FSD2: variants seen among roughly 807,000 people sequenced by gnomAD.
The protein encoded by FSD2 is fibronectin type III and SPRY domain-containing protein 2.
FSD2 carries 71 observed loss-of-function variants against 80.4 expected under a neutral mutation model. The observed-to-expected ratio is 0.88, with a 90% CI of 0.73 to 1.08. FSD2 has a LOEUF of 1.08. Ranked by LOEUF, FSD2 falls within the 50% of genes least tolerant of loss-of-function variation. The pLI is 0.00. For synonymous variants in FSD2, 361 were observed against 329.5 expected (o/e 1.10, Z -1.03); for missense variants, 923 against 913.8 (o/e 1.01, Z -0.13).
At position 82,757,509 on chromosome 15, in the gene FSD2, T is replaced by G. The variant is rs755220586; in HGVS notation, c.*1839A>C. The G allele has an allele frequency of 6.6e-6, 1 of 152,202 alleles. No homozygotes were observed. The highest frequency in any genetic ancestry group is 1.5e-5 in the Non-Finnish European group (1 of 68,040). The allele number at this position is 152,202 out of a possible 1,614,324, so 9.4% of individuals were successfully genotyped here. On this transcript the variant is annotated 3_prime_UTR_variant, in exon 13 of 13. Transcript: ENST00000334574. Reference sequence around the variant, plus strand: ...ACCAGTCCCGGCTAATTTTTTTGTATTTTTAGTAGAGACGGGGTTTCACCG... The same window carrying G: ...ACCAGTCCCGGCTAATTTTTTTGTAGTTTTAGTAGAGACGGGGTTTCACCG...
intron 5 of FSD2, among the ~76,000 whole-genome samples, chr15:82,779,395 T>C (rs1398060942): frequency 6.6e-6 from 1 of 152,166 alleles, no homozygotes; most frequent in Non-Finnish European, 1.5e-5. Flanking sequence ...CCAGGCATGA[T>C]GGCTCACACC....
chr15:82,786,506 C>T lies in FSD2; in HGVS notation c.735+5G>A. The T allele has an allele frequency of 1.2e-6, 2 of 1,608,462 alleles. No homozygotes were observed. Among genetic ancestry groups the T allele is most frequent in the Non-Finnish European group, 1.7e-6 (2 of 1,175,438 alleles). ...GTCTGATGAGGTCTTCAAGTGTGCT[C>T]TTACCTCCACAGTGATGAAAACCTC... is the stretch of plus-strand genomic sequence containing the variant. On this transcript the variant is annotated splice_donor_5th_base_variant and intron_variant, in intron 3 of 12. Coordinates refer to ENST00000334574, the MANE Select transcript of FSD2 (RefSeq NM_001007122.4).
chr15:82,801,927 T>C (rs1201742182), intron 1 of FSD2, among the ~76,000 whole-genome samples: 1 of 151,834 alleles, frequency 6.6e-6, no homozygotes, highest in Non-Finnish European at 1.5e-5. Context: ...GAAGGATGAG[T>C]GGAGGTAGGT....
At chr15:82,791,242 C>T (rs926189245) in intron 1 of FSD2, among the ~76,000 whole-genome samples, 4 of 152,154 alleles carry the variant, frequency 2.6e-5, no homozygotes, top group African/African-American at 9.7e-5. Flanking sequence ...TTGTGGTCCG[C>T]CCGTCTCGGC....
At chr15:82,782,426 A>AACAAC (rs2049889032) in intron 4 of FSD2, among the ~76,000 whole-genome samples, 1 of 151,304 alleles carries the variant, frequency 6.6e-6, no homozygotes, top group Non-Finnish European at 1.5e-5. Flanking sequence ...AACAAAACAA[A>AACAAC]ACAACAACAA....
In FSD2 at chr15:82,771,306, T is replaced by G. The variant is rs920328707; in HGVS notation, c.1267+767A>C. On this transcript the variant is annotated intron_variant, in intron 7 of 12. Transcript: ENST00000334574. Reference sequence around the variant, plus strand: ...TTTCCTCATCCATAAAATGGAGATCTCTAAGTCTCTTTCCAGCAATCCCAC... The same window carrying G: ...TTTCCTCATCCATAAAATGGAGATCGCTAAGTCTCTTTCCAGCAATCCCAC... Among the ~76,000 whole-genome samples the G allele has an allele frequency of 3.3e-5, 5 of 152,230 alleles. No homozygotes were observed. In the South Asian group the frequency reaches 6.2e-4, roughly 19 times the overall value.
intron 1 of FSD2, among the ~76,000 whole-genome samples, chr15:82,795,231 C>A (rs1262504546): frequency 6.6e-6 from 1 of 152,040 alleles, no homozygotes; most frequent in East Asian, 1.9e-4. Flanking sequence ...ATAGAGTTGG[C>A]TATATTGTTA....
chr15:82,775,927 A>G (rs2049704735), intron 6 of FSD2, among the ~76,000 whole-genome samples: 1 of 152,064 alleles, frequency 6.6e-6, no homozygotes, highest in Admixed American at 6.6e-5. Context: ...TAATTTCCAC[A>G]TATCTGTGAA....
chr15:82,770,650 G>GAC (rs891890412), intron 7 of FSD2, among the ~76,000 whole-genome samples: 1 of 151,570 alleles, frequency 6.6e-6, no homozygotes, highest in Non-Finnish European at 1.5e-5. Flanking sequence ...CAGCCTGAGT[G>GAC]ACAGAGCAAG....
At chr15:82,772,912 A>G (rs1355917530) in intron 6 of FSD2, among the ~76,000 whole-genome samples, 1 of 152,058 alleles carries the variant, frequency 6.6e-6, no homozygotes, top group Non-Finnish European at 1.5e-5. Flanking sequence ...CAGTGACGTA[A>G]TCTCGGCTCA....
In FSD2 at chr15:82,769,003, T is replaced by C; in HGVS notation, c.1430A>G (p.Lys477Arg). The C allele has an allele frequency of 6.3e-7, 1 of 1,594,344 alleles. No homozygotes were observed. Among genetic ancestry groups the C allele is most frequent in the South Asian group, 1.2e-5 (1 of 86,806 alleles). Reference protein sequence around the residue: ...TAPSPPIIKTKEIRSCEEAVL... With the variant: ...TAPSPPIIKTREIRSCEEAVL... ...AGCCTCTTCACAGCTCCTTATCTCT[T>C]TGGTTTTAATAATGGGGGGAGAAGG... Residue 477 changes from lysine to arginine, a missense_variant, in exon 9 of 13, where the codon AAA becomes AGA. Transcript: ENST00000334574.
At chr15:82,796,738 G>A (rs2050280977) in intron 1 of FSD2, among the ~76,000 whole-genome samples, 1 of 151,998 alleles carries the variant, frequency 6.6e-6, no homozygotes, top group African/African-American at 2.4e-5. Flanking sequence ...TCCATCAAAG[G>A]GTGGCATTTC....
At chr15:82,768,324 G>A (rs1421563469) in intron 9 of FSD2, among the ~76,000 whole-genome samples, 1 of 152,152 alleles carries the variant, frequency 6.6e-6, no homozygotes, top group Non-Finnish European at 1.5e-5. Flanking sequence ...CCCTGCATTC[G>A]CTGTTCTTGG....
chr15:82,769,185 C>A (rs1240477687), intron 8 of FSD2, among the ~76,000 whole-genome samples, 155 bp from the exon 9 acceptor site: 1 of 152,170 alleles, frequency 6.6e-6, no homozygotes, highest in East Asian at 1.9e-4. Context: ...TCCAGATGTT[C>A]CTGGAATAGA....
At chr15:82,776,981 C>CT (rs1410985050) in intron 6 of FSD2, among the ~76,000 whole-genome samples, 17 of 152,170 alleles carry the variant, frequency 1.1e-4, no homozygotes, top group Non-Finnish European at 2.1e-4. Flanking sequence ...AAAGGATAGT[C>CT]TCTTCAACAA....
At chr15:82,803,436 A>G (rs1411472995) in intron 1 of FSD2, among the ~76,000 whole-genome samples, 4 of 151,888 alleles carry the variant, frequency 2.6e-5, no homozygotes, top group African/African-American at 9.7e-5. Context: ...CCATAGCTCT[A>G]TACTCCCCAA....
intron 1 of FSD2, among the ~76,000 whole-genome samples, chr15:82,790,933 T>C (rs937376610): frequency 1.3e-5 from 2 of 151,640 alleles, no homozygotes; most frequent in Non-Finnish European, 2.9e-5. Flanking sequence ...CGAGGTATAA[T>C]TCATATACCA....
At chr15:82,797,582 G>A (rs187914019) in intron 1 of FSD2, among the ~76,000 whole-genome samples, 7 of 152,250 alleles carry the variant, frequency 4.6e-5, no homozygotes, top group South Asian at 2.1e-4. Context: ...AGGCCGAGGC[G>A]GGCAGATCAT....
chr15:82,769,145 G>C (rs2049497321), intron 8 of FSD2, 115 bp from the exon 9 acceptor site: 2 of 1,024,212 alleles, frequency 2.0e-6, no homozygotes, highest in East Asian at 3.1e-5. Flanking sequence ...AAGAGATTCA[G>C]TGCAATAAAA....
Sources: allele counts gnomAD v4.1 joint callset (sites outside exome capture counted in the v4.1 genomes callset), GRCh38; gene constraint gnomAD v4.1.1; transcripts MANE v1.5; gene names NCBI Gene and HGNC (gene_info 2026-07-23, HGNC 2026-07-21).